The following MAF variants were observed in gnomAD, a reference collection of about 807,000 sequenced individuals.
The protein encoded by MAF is MAF bZIP transcription factor, also known as transcription factor Maf.
MAF carries 10 observed loss-of-function variants against 22.0 expected under a neutral mutation model. That is an observed-to-expected ratio of 0.45 (90% CI 0.28 to 0.77). The LOEUF is 0.77. Ranked by LOEUF, MAF falls within the 30% of genes least tolerant of loss-of-function variation. MAF has a pLI of 0.12. For synonymous variants in MAF, 337 were observed against 255.8 expected (o/e 1.32, Z -3.03); for missense variants, 544 against 548.4 (o/e 0.99, Z 0.08).
the MAF span, among the ~76,000 whole-genome samples, chr16:79,481,453 A>G: frequency 1.8e-4 from 28 of 152,094 alleles, no homozygotes; most frequent in Middle Eastern, 3.4e-3. Context: ...CTACTCATCT[A>G]CTTCCCGTCT....
chr16:79,231,671 T>C, the MAF span, among the ~76,000 whole-genome samples: 1 of 152,090 alleles, frequency 6.6e-6, no homozygotes. Context: ...GATAACTATA[T>C]GGAACATGCT....
chr16:79,250,818 G>A, the MAF span, among the ~76,000 whole-genome samples: 1 of 152,262 alleles, frequency 6.6e-6, no homozygotes, highest in African/African-American at 2.4e-5. Flanking sequence ...TTTACTAGGG[G>A]GATCAACCAT....
chr16:79,352,010 C>A, the MAF span, among the ~76,000 whole-genome samples: 10 of 152,252 alleles, frequency 6.6e-5, no homozygotes, highest in South Asian at 4.2e-4. Context: ...TGACATCTCT[C>A]TTTTTGGCCC....
At chr16:79,560,922 G>A in the MAF span, among the ~76,000 whole-genome samples, 2 of 152,234 alleles carry the variant, frequency 1.3e-5, no homozygotes, top group African/African-American at 2.4e-5. Flanking sequence ...CAACAGCCAT[G>A]TAGGTCTTTT....
chr16:79,372,313 G>A, the MAF span, among the ~76,000 whole-genome samples: 1 of 152,020 alleles, frequency 6.6e-6, no homozygotes, highest in Non-Finnish European at 1.5e-5. Context: ...ATGTAACAGA[G>A]AAGAAAGATT....
At chr16:79,224,407 T>C in the MAF span, among the ~76,000 whole-genome samples, 4 of 152,312 alleles carry the variant, frequency 2.6e-5, no homozygotes, top group African/African-American at 9.6e-5. Context: ...AATATCATAC[T>C]GAATGGGCAA....
chr16:79,221,861 T>C, the MAF span, among the ~76,000 whole-genome samples: 1 of 152,240 alleles, frequency 6.6e-6, no homozygotes. Context: ...AAAAACAATT[T>C]AATTATGTTT....
At chr16:79,520,509 G>C in the MAF span, among the ~76,000 whole-genome samples, 7 of 152,088 alleles carry the variant, frequency 4.6e-5, no homozygotes, top group African/African-American at 7.2e-5. Flanking sequence ...GTGCTTGCAT[G>C]CGTCCCCCAG....
At chr16:79,236,232 G>A in the MAF span, among the ~76,000 whole-genome samples, 3 of 152,056 alleles carry the variant, frequency 2.0e-5, no homozygotes, top group South Asian at 4.1e-4. Flanking sequence ...AGGAATACTT[G>A]AACATCATGG....
chr16:79,515,015 C>T, the MAF span, among the ~76,000 whole-genome samples: 2 of 152,224 alleles, frequency 1.3e-5, no homozygotes, highest in Admixed American at 6.5e-5. Flanking sequence ...ATGCTTCATA[C>T]TGGCTGACAA....
At chr16:79,391,843 G>T in the MAF span, among the ~76,000 whole-genome samples, 1 of 148,430 alleles carries the variant, frequency 6.7e-6, no homozygotes, top group Non-Finnish European at 1.5e-5. Context: ...GGAGAAAGTG[G>T]GGGAAAGAGA....
the MAF span, among the ~76,000 whole-genome samples, chr16:79,492,468 C>G: frequency 7.7e-6 from 1 of 129,270 alleles, no homozygotes; most frequent in South Asian, 3.2e-4. Context: ...CCCATTTGTT[C>G]TATATATAGC....
the MAF span, among the ~76,000 whole-genome samples, chr16:79,227,772 A>C: frequency 1.3e-5 from 2 of 152,076 alleles, no homozygotes; most frequent in African/African-American, 2.4e-5. Flanking sequence ...CGCTACTCTA[A>C]ACAAATATCC....
the MAF span, among the ~76,000 whole-genome samples, chr16:79,541,400 T>C: frequency 6.6e-6 from 1 of 151,988 alleles, no homozygotes; most frequent in Non-Finnish European, 1.5e-5. Context: ...GAGGCAGTCA[T>C]GCGCAGGGCT....
At chr16:79,497,667 T>C in the MAF span, among the ~76,000 whole-genome samples, 1 of 152,222 alleles carries the variant, frequency 6.6e-6, no homozygotes, top group Non-Finnish European at 1.5e-5. Context: ...TTGTCATGCT[T>C]TGAACCCCAG....
At chr16:79,480,990 C>T in the MAF span, among the ~76,000 whole-genome samples, 4 of 152,098 alleles carry the variant, frequency 2.6e-5, no homozygotes, top group South Asian at 4.2e-4. Flanking sequence ...CTCCACGTCC[C>T]CTCGCTCCAC....
the MAF span, among the ~76,000 whole-genome samples, chr16:79,470,550 C>T: frequency 6.6e-6 from 1 of 152,212 alleles, no homozygotes; most frequent in Non-Finnish European, 1.5e-5. Flanking sequence ...TATTACTAAA[C>T]AACAGCAGCC....
the MAF span, among the ~76,000 whole-genome samples, chr16:79,243,003 G>A: frequency 6.6e-6 from 1 of 151,996 alleles, no homozygotes; most frequent in Non-Finnish European, 1.5e-5. Context: ...TGAAACCAAT[G>A]AGAACGAAGA....
chr16:79,211,948 G>A, the MAF span: 4 of 1,536,824 alleles, frequency 2.6e-6, no homozygotes, highest in East Asian at 4.9e-5. Flanking sequence ...AAAATCTTAA[G>A]TACCAATGGG....
Sources: allele counts gnomAD v4.1 joint callset (sites outside exome capture counted in the v4.1 genomes callset), GRCh38; gene constraint gnomAD v4.1.1; transcripts MANE v1.5; gene names NCBI Gene and HGNC (gene_info 2026-07-23, HGNC 2026-07-21).